NXPE2: variants seen among roughly 807,000 people sequenced by gnomAD.
The protein encoded by NXPE2 is NXPE family member 2.
NXPE2 carries 34 observed loss-of-function variants against 34.4 expected under a neutral mutation model. That is an observed-to-expected ratio of 0.99 (90% CI 0.75 to 1.31). The LOEUF is 1.31. Among genes scored for constraint, NXPE2 ranks in the 40% most tolerant of loss-of-function variants. NXPE2 has a pLI of 0.00. For missense variants in NXPE2, 649 were observed against 672.5 expected, an observed-to-expected ratio of 0.97 and a Z score of 0.39; for synonymous variants, 235 against 231.3, an observed-to-expected ratio of 1.02 and a Z score of -0.15.
the NXPE2 span, among the ~76,000 whole-genome samples, chr11:114,760,004 AT>A: frequency 4.7e-5 from 7 of 150,526 alleles, no homozygotes; most frequent in South Asian, 2.1e-4. Context: ...AACACCCTTG[AT>A]TTTTTTTTTC....
the NXPE2 span, among the ~76,000 whole-genome samples, chr11:114,609,376 T>G: frequency 6.6e-6 from 1 of 151,710 alleles, no homozygotes; most frequent in Non-Finnish European, 1.5e-5. Context: ...CGTTACCCGG[T>G]GGATAATAAG....
At chr11:114,512,922 G>A in the NXPE2 span, 1 of 312,068 alleles carries the variant, frequency 3.2e-6, no homozygotes, top group South Asian at 3.0e-5. Flanking sequence ...CCTGAGAGGT[G>A]CCGCTGGAAA....
At chr11:114,563,286 C>CTT in the NXPE2 span, among the ~76,000 whole-genome samples, 1 of 152,152 alleles carries the variant, frequency 6.6e-6, no homozygotes, top group South Asian at 2.1e-4. Context: ...CCTCATCTCT[C>CTT]TTTTTATCTC....
chr11:114,485,040 A>T, the NXPE2 span, among the ~76,000 whole-genome samples: 2 of 152,136 alleles, frequency 1.3e-5, no homozygotes, highest in African/African-American at 2.4e-5. Context: ...ATATTTTTTT[A>T]AATTTCAAAT....
the NXPE2 span, among the ~76,000 whole-genome samples, chr11:114,590,364 G>T: frequency 5.9e-5 from 9 of 152,176 alleles, no homozygotes; most frequent in Non-Finnish European, 1.0e-4. Context: ...GGGGAAGAAA[G>T]AATTAAGCCC....
At chr11:114,680,165 CTTTG>C (rs1950924910) in intron 2 of NXPE2, among the ~76,000 whole-genome samples, 1 of 152,048 alleles carries the variant, frequency 6.6e-6, no homozygotes. Flanking sequence ...TGGCTCTTCC[CTTTG>C]TAAGTTTTTC....
At chr11:114,651,080 T>C in the NXPE2 span, among the ~76,000 whole-genome samples, 3 of 149,768 alleles carry the variant, frequency 2.0e-5, no homozygotes, top group Middle Eastern at 7.1e-3. Context: ...TGTATAATAA[T>C]ATATATACAA....
At chr11:114,521,660 G>A in the NXPE2 span, 147 of 266,734 alleles carry the variant, frequency 5.5e-4, no homozygotes, top group African/African-American at 3.2e-3. Context: ...TATCTATATT[G>A]GAAATAGAAA....
chr11:114,519,470 A>G, the NXPE2 span, among the ~76,000 whole-genome samples: 1 of 152,212 alleles, frequency 6.6e-6, no homozygotes, highest in Non-Finnish European at 1.5e-5. Flanking sequence ...GATGTTTACA[A>G]GCTATTAGAG....
At chr11:114,553,340 A>G in the NXPE2 span, among the ~76,000 whole-genome samples, 1 of 152,130 alleles carries the variant, frequency 6.6e-6, no homozygotes, top group Non-Finnish European at 1.5e-5. Flanking sequence ...GGCTGAATCT[A>G]CCTATCTTGG....
intron 2 of NXPE2, among the ~76,000 whole-genome samples, chr11:114,697,337 AAGG>A (rs1951277032): frequency 6.6e-6 from 1 of 152,216 alleles, no homozygotes; most frequent in African/African-American, 2.4e-5. Flanking sequence ...TCTACAAGCC[AAGG>A]AACACCAAGG....
the NXPE2 span, among the ~76,000 whole-genome samples, chr11:114,793,238 T>C: frequency 6.6e-6 from 1 of 152,342 alleles, no homozygotes; most frequent in South Asian, 2.1e-4. Context: ...TTGCTTCAAT[T>C]TTCCTTCAGT....
At chr11:114,769,228 C>G in the NXPE2 span, among the ~76,000 whole-genome samples, 1 of 151,948 alleles carries the variant, frequency 6.6e-6, no homozygotes, top group Non-Finnish European at 1.5e-5. Context: ...CACCATTGGT[C>G]ATTAGAGAAA....
chr11:114,532,685 CTT>C, the NXPE2 span, among the ~76,000 whole-genome samples: 1 of 152,022 alleles, frequency 6.6e-6, no homozygotes, highest in Admixed American at 6.6e-5. Flanking sequence ...ATGGAGATGA[CTT>C]TTAAATTCTC....
At chr11:114,541,007 C>G in the NXPE2 span, among the ~76,000 whole-genome samples, 1 of 151,738 alleles carries the variant, frequency 6.6e-6, no homozygotes, top group Non-Finnish European at 1.5e-5. Context: ...GCTTAGATCT[C>G]TAGCTGACCC....
chr11:114,624,360 C>T, the NXPE2 span, among the ~76,000 whole-genome samples: 2 of 151,656 alleles, frequency 1.3e-5, no homozygotes, highest in Non-Finnish European at 2.9e-5. Flanking sequence ...ATTATTGCCC[C>T]AGGGTAACCA....
At chr11:114,605,772 T>A in the NXPE2 span, among the ~76,000 whole-genome samples, 1 of 151,866 alleles carries the variant, frequency 6.6e-6, no homozygotes, top group Non-Finnish European at 1.5e-5. Flanking sequence ...TAATCACTGT[T>A]AACCAGTGGA....
the NXPE2 span, chr11:114,581,901 C>A: frequency 1.4e-6 from 1 of 735,110 alleles, no homozygotes; most frequent in African/African-American, 1.8e-5. Flanking sequence ...ATTATTATGC[C>A]TACAGTTTCA....
the NXPE2 span, among the ~76,000 whole-genome samples, chr11:114,743,791 GTA>G: frequency 1.3e-5 from 2 of 148,196 alleles, no homozygotes; most frequent in Admixed American, 6.7e-5. Context: ...TATATATTAT[GTA>G]TATGTGTGTG....
Sources: gnomAD v4.1 joint callset for allele counts (sites outside exome capture counted in the v4.1 genomes callset) on GRCh38, gnomAD v4.1.1 for gene constraint, MANE v1.5 for transcripts, NCBI Gene and HGNC (gene_info 2026-07-23, HGNC 2026-07-21) for gene names.